The following ZNF532 variants were observed in gnomAD, a reference collection of about 807,000 sequenced individuals.
ZNF532 encodes the protein zinc finger protein 532.
A neutral mutation model predicts 89.3 loss-of-function variants in ZNF532; 22 were observed. The observed-to-expected ratio is 0.25, with a 90% CI of 0.18 to 0.35. The LOEUF (loss-of-function observed/expected upper bound fraction) is 0.35. ZNF532 is among the 10% of genes least tolerant of loss of function. The pLI is 1.00. For missense variants in ZNF532, 1,132 were observed against 1,643.4 expected (o/e 0.69, Z 5.38); for synonymous variants, 606 against 649.6 (o/e 0.93, Z 1.02).
chr18:58,871,898 T>C (rs2057014466), intron 2 of ZNF532, among the ~76,000 whole-genome samples: 1 of 152,234 alleles, frequency 6.6e-6, no homozygotes. Context: ...GATGTATTTG[T>C]TTTATGTATT....
rs372850428 is a variant in ZNF532 at position 58,876,041 on chromosome 18, T to C, written c.-18+10462T>C. Among the ~76,000 whole-genome samples, 32 of 151,322 alleles carry C rather than the reference T, an allele frequency of 2.1e-4. No homozygotes were observed. In the East Asian group the frequency reaches 5.1e-3, roughly 24 times the overall value. ...TCTGCCTCCCGGGTTCATGCCATTC[T>C]CCTGCCTCAGCCTCCCGAGTAGCTG... On this transcript the variant is annotated intron_variant, in intron 2 of 9. Coordinates refer to ENST00000591808, the MANE Select transcript of ZNF532 (RefSeq NM_001375912.1).
chr18:58,907,714 G>C (rs1205030338), intron 2 of ZNF532, among the ~76,000 whole-genome samples: 2 of 152,122 alleles, frequency 1.3e-5, no homozygotes, highest in Non-Finnish European at 2.9e-5. Flanking sequence ...CTGCCTCCCA[G>C]GTCCTGACGT....
intron 2 of ZNF532, among the ~76,000 whole-genome samples, chr18:58,904,281 G>T (rs555075384): frequency 5.3e-5 from 8 of 151,972 alleles, no homozygotes; most frequent in Admixed American, 4.6e-4. Context: ...GAGCCTGGGA[G>T]GGGGAGGCTG....
intron 2 of ZNF532, chr18:58,916,740 C>CT (rs2060628057): frequency 1.0e-6 from 1 of 985,222 alleles, no homozygotes. Context: ...AGTTAATATA[C>CT]TGAGGGTCTT....
chr18:58,869,933 A>AT (rs1602461212), intron 2 of ZNF532, among the ~76,000 whole-genome samples: 1 of 151,072 alleles, frequency 6.6e-6, no homozygotes, highest in East Asian at 1.9e-4. Context: ...TGCCTGGCTA[A>AT]TTTTTTGTAT....
At chr18:58,969,921 G>A (rs1160294724) in intron 7 of ZNF532, among the ~76,000 whole-genome samples, 1 of 93,426 alleles carries the variant, frequency 1.1e-5, no homozygotes, top group Non-Finnish European at 1.9e-5. Flanking sequence ...GTCTCGTTTT[G>A]TCGCCTAGGC....
intron 2 of ZNF532, among the ~76,000 whole-genome samples, chr18:58,915,564 A>C (rs1301224511): frequency 1.3e-5 from 2 of 152,162 alleles, no homozygotes; most frequent in Non-Finnish European, 2.9e-5. Flanking sequence ...CTGGGCAGGT[A>C]GGAAAAGATG....
chr18:58,895,251 C>T (rs2059169385), intron 2 of ZNF532, among the ~76,000 whole-genome samples: 1 of 152,176 alleles, frequency 6.6e-6, no homozygotes, highest in Admixed American at 6.5e-5. Flanking sequence ...CTCTGTCTCA[C>T]GTTTGGCTGC....
At chr18:58,889,806 T>G (rs2058752982) in intron 2 of ZNF532, among the ~76,000 whole-genome samples, 1 of 144,764 alleles carries the variant, frequency 6.9e-6, no homozygotes, top group Non-Finnish European at 1.5e-5. Context: ...AAAATTTGGC[T>G]AGGCGCGGTG....
chr18:58,969,133 TGTA>T (rs147115180), intron 7 of ZNF532, among the ~76,000 whole-genome samples: 1,571 of 152,316 alleles, frequency 0.01, 16 homozygotes, highest in Middle Eastern at 0.044. Context: ...CCAGAGGGAT[TGTA>T]GGACTTTTTG....
intron 2 of ZNF532, among the ~76,000 whole-genome samples, chr18:58,908,574 A>G (rs2060089412): frequency 1.3e-5 from 2 of 152,378 alleles, no homozygotes; most frequent in Middle Eastern, 3.4e-3. Context: ...ACAGTAAGGC[A>G]TCTTTTTGTT....
At chr18:58,963,614 TG>T in intron 7 of ZNF532, among the ~76,000 whole-genome samples, 2 of 79,542 alleles carry the variant, frequency 2.5e-5, no homozygotes, top group Non-Finnish European at 6.8e-5. Context: ...TGTGTGTGTG[TG>T]TGTGTGTGTG....
chr18:58,884,482 C>T (rs370712035), intron 2 of ZNF532, among the ~76,000 whole-genome samples: 1,485 of 93,124 alleles, frequency 0.016, 13 homozygotes, highest in African/African-American at 0.039. Context: ...GATTTAGGAC[C>T]TAACGCACAA....
At chr18:58,897,355 A>G (rs1044297879) in intron 2 of ZNF532, among the ~76,000 whole-genome samples, 3 of 152,062 alleles carry the variant, frequency 2.0e-5, no homozygotes, top group African/African-American at 7.2e-5. Flanking sequence ...GGTTGGGGGG[A>G]AAAAGACCTA....
At chr18:58,977,436 C>T (rs1402899363) in intron 7 of ZNF532, 1 of 152,144 alleles carries the variant, frequency 6.6e-6, no homozygotes, top group Non-Finnish European at 1.5e-5. Flanking sequence ...ATTCATGAGG[C>T]AGAGACCAGG....
intron 8 of ZNF532, chr18:58,980,284 C>CTCTGGGCCAAGAAGACGATGGGAGA (rs1431095746): frequency 5.9e-5 from 9 of 152,194 alleles, no homozygotes; most frequent in African/African-American, 2.2e-4. Flanking sequence ...TAGAAGGATG[C>CTCTGGGCCAAGAAGACGATGGGAGA]TCTGGGCCAA....
At chr18:58,963,069 T>A (rs2065525174) in intron 7 of ZNF532, among the ~76,000 whole-genome samples, 1 of 152,130 alleles carries the variant, frequency 6.6e-6, no homozygotes, top group African/African-American at 2.4e-5. Context: ...GAGTTTATGT[T>A]TTGGGGAAGG....
rs2056316182 is a variant in ZNF532 at position 58,864,929 on chromosome 18, A to G, written c.-584A>G. ...GGCAGCCAAAAGCAGAGGAGCTTGC[A>G]GGAAGGTACCATCCCTACACAGTAT... On this transcript the variant is annotated 5_prime_UTR_variant, in exon 1 of 10. Transcript: ENST00000591808. 1.3e-5 allele frequency: 2 copies of G among 152,310 alleles called. No homozygotes were observed. The highest frequency in any genetic ancestry group is 2.1e-4 in the South Asian group (1 of 4,836). 9.4% of individuals were successfully genotyped at this position (152,310 alleles called of 1,614,324 possible). A position where few individuals can be genotyped will look rare whatever the true frequency, so the allele number is the denominator to read the frequency against.
intron 7 of ZNF532, among the ~76,000 whole-genome samples, chr18:58,959,655 T>C (rs938837095): frequency 6.6e-6 from 1 of 152,178 alleles, no homozygotes; most frequent in African/African-American, 2.4e-5. Context: ...CAACTACCAG[T>C]GTGACTTTGT....
Sources: gnomAD v4.1 joint callset for allele counts (sites outside exome capture counted in the v4.1 genomes callset) on GRCh38, gnomAD v4.1.1 for gene constraint, MANE v1.5 for transcripts, NCBI Gene and HGNC (gene_info 2026-07-23, HGNC 2026-07-21) for gene names.